Variants in SHC3 observed in about 807,000 individuals in gnomAD.
SHC3 encodes the protein SHC-transforming protein 3.
A neutral mutation model predicts 60.4 loss-of-function variants in SHC3; 15 were observed. That is an observed-to-expected ratio of 0.25 (90% confidence interval 0.17 to 0.38). SHC3 has a LOEUF of 0.38. SHC3 is among the 10% of genes least tolerant of loss of function. The probability of loss-of-function intolerance (pLI) is 1.00; values close to 1 mark genes in which losing one functional copy is unlikely to be tolerated. For missense variants in SHC3, 677 were observed against 786.1 expected (o/e 0.86, Z 1.66); for synonymous variants, 294 against 325.9 (o/e 0.90, Z 1.05).
intron 1 of SHC3, among the ~76,000 whole-genome samples, chr9:89,134,477 G>A (rs1826292760): frequency 1.3e-5 from 2 of 152,058 alleles, no homozygotes. Flanking sequence ...AAATTGTTAA[G>A]GGATTATAAA....
At chr9:89,044,206 C>T (rs1824736216) in intron 9 of SHC3, among the ~76,000 whole-genome samples, 1 of 152,178 alleles carries the variant, frequency 6.6e-6, no homozygotes, top group Admixed American at 6.5e-5. Context: ...TATGGAAATG[C>T]ATTTTAAATG....
chr9:89,045,007 C>A (rs1017087055), intron 9 of SHC3, among the ~76,000 whole-genome samples: 1 of 152,012 alleles, frequency 6.6e-6, no homozygotes, highest in African/African-American at 2.4e-5. Context: ...GGAAGGAGAA[C>A]GAGACAAGGA....
chr9:89,166,628 G>A (rs1826793172), intron 1 of SHC3, among the ~76,000 whole-genome samples: 1 of 152,092 alleles, frequency 6.6e-6, no homozygotes, highest in Non-Finnish European at 1.5e-5. Flanking sequence ...TTCATACGAG[G>A]GGGCACCAAT....
rs564823336 is a variant in SHC3, at chr9:89,081,731, G to A, written c.546-3828C>T. 3.9e-5 allele frequency among the ~76,000 whole-genome samples: 6 copies of A among 152,258 alleles called. No homozygotes were observed. The East Asian group carries it at 5.8e-4, about 15-fold the overall frequency. The stretch of plus-strand genomic sequence containing the variant: ...AAGAAAAAGTCTTCCATCACTTAAC[G>A]TGTAACCCTATTTATCTATTTTTAG... On this transcript the variant is annotated intron_variant, in intron 2 of 11. Transcript: ENST00000375835.
intron 1 of SHC3, among the ~76,000 whole-genome samples, chr9:89,141,142 A>G (rs1385819083): frequency 6.6e-6 from 1 of 152,194 alleles, no homozygotes; most frequent in Non-Finnish European, 1.5e-5. Flanking sequence ...ATCAAACAAG[A>G]AAGAACTCAT....
At chr9:89,015,373 C>T (rs1179070961) in intron 11 of SHC3, among the ~76,000 whole-genome samples, 1 of 152,208 alleles carries the variant, frequency 6.6e-6, no homozygotes, top group Non-Finnish European at 1.5e-5. Flanking sequence ...TGTGGTCTCA[C>T]CTCCAATACT....
At chr9:89,159,924 T>C (rs1826680082) in intron 1 of SHC3, among the ~76,000 whole-genome samples, 1 of 152,212 alleles carries the variant, frequency 6.6e-6, no homozygotes, top group African/African-American at 2.4e-5. Context: ...CCAGGATCAA[T>C]ACTTTGCATC....
intron 1 of SHC3, among the ~76,000 whole-genome samples, chr9:89,143,379 C>A (rs2118196395): frequency 6.6e-6 from 1 of 152,168 alleles, no homozygotes; most frequent in African/African-American, 2.4e-5. Flanking sequence ...GTTTTATCAG[C>A]AAAGTCTTTA....
intron 5 of SHC3, among the ~76,000 whole-genome samples, chr9:89,067,405 C>G (rs1250266101): frequency 6.6e-6 from 1 of 152,168 alleles, no homozygotes; most frequent in Non-Finnish European, 1.5e-5. Context: ...CCATGATTAT[C>G]TTAAAATTAA....
intron 2 of SHC3, among the ~76,000 whole-genome samples, chr9:89,091,476 C>A (rs544538727): frequency 8.4e-4 from 128 of 152,250 alleles, no homozygotes; most frequent in African/African-American, 2.9e-3. Flanking sequence ...AAAATCCATA[C>A]ATACAAAGTA....
At chr9:89,061,957 C>T (rs1359399721) in intron 6 of SHC3, among the ~76,000 whole-genome samples, 1 of 152,154 alleles carries the variant, frequency 6.6e-6, no homozygotes, top group South Asian at 2.1e-4. Flanking sequence ...ATGGAATATA[C>T]CCCCACAGAT....
intron 2 of SHC3, among the ~76,000 whole-genome samples, chr9:89,107,908 A>G (rs918327513): frequency 6.6e-6 from 1 of 152,256 alleles, no homozygotes; most frequent in Non-Finnish European, 1.5e-5. Flanking sequence ...CTGAAATATC[A>G]TAATCAAGTA....
chr9:89,041,089 A>G (rs1824680525), intron 10 of SHC3, among the ~76,000 whole-genome samples: 8 of 152,276 alleles, frequency 5.3e-5, no homozygotes, highest in Admixed American at 5.2e-4. Flanking sequence ...AGCACATGGT[A>G]GAAAATCATT....
At chr9:89,169,899 G>A (rs1046921991) in intron 1 of SHC3, among the ~76,000 whole-genome samples, 12 of 152,148 alleles carry the variant, frequency 7.9e-5, no homozygotes, top group Non-Finnish European at 2.9e-5. Flanking sequence ...TACAAGGTTG[G>A]CAGGTGACCT....
intron 11 of SHC3, among the ~76,000 whole-genome samples, chr9:89,027,594 GCATAAGC>G (rs11278349): frequency 0.84 from 127,422 of 151,446 alleles, 53,782 homozygotes; most frequent in East Asian, 1. Flanking sequence ...GGGATTACAG[GCATAAGC>G]CATAAGCCAC....
In SHC3 at chr9:89,011,671, T is replaced by A. The variant is rs890722410; in HGVS notation, c.*1776A>T. On this transcript the variant is annotated 3_prime_UTR_variant, in exon 12 of 12. Coordinates refer to ENST00000375835, the MANE Select transcript of SHC3 (RefSeq NM_016848.6). Reference sequence around the variant, plus strand: ...ATCACTAAGCAGAGTATCCACATGATGCCTGAAGCCAAAACCATTTCAGAA... The same window carrying A: ...ATCACTAAGCAGAGTATCCACATGAAGCCTGAAGCCAAAACCATTTCAGAA... The A allele has an allele frequency of 6.6e-6, 1 of 152,254 alleles. No individual in the cohort carries two copies. The highest frequency in any genetic ancestry group is 1.5e-5 in the Non-Finnish European group (1 of 68,056). The allele number at this position is 152,254 out of a possible 1,614,324, so 9.4% of individuals were successfully genotyped here.
intron 1 of SHC3, among the ~76,000 whole-genome samples, chr9:89,154,370 T>C (rs1826591826): frequency 6.6e-6 from 1 of 152,188 alleles, no homozygotes. Context: ...CAGTACCCGC[T>C]GTTAAGGGTG....
At chr9:89,071,173 A>T in intron 5 of SHC3, 26 bp downstream of exon 5, 1 of 1,612,634 alleles carries the variant, frequency 6.2e-7, no homozygotes. Context: ...CAACAAGAGC[A>T]AGAGACCAAC....
intron 11 of SHC3, among the ~76,000 whole-genome samples, chr9:89,017,635 A>G (rs1395529151): frequency 6.6e-6 from 1 of 152,242 alleles, no homozygotes; most frequent in Non-Finnish European, 1.5e-5. Context: ...ACAAAAGCCA[A>G]AATTGACAAA....
Sources: gnomAD v4.1 joint callset for allele counts (sites outside exome capture counted in the v4.1 genomes callset) on GRCh38, gnomAD v4.1.1 for gene constraint, MANE v1.5 for transcripts, NCBI Gene and HGNC (gene_info 2026-07-23, HGNC 2026-07-21) for gene names.